The following CTNNA3 variants were observed in gnomAD, a reference collection of about 807,000 sequenced individuals.
CTNNA3 encodes catenin alpha 3.
In CTNNA3, 76 loss-of-function variants were observed where a neutral mutation model predicts 95.7. That is an observed-to-expected ratio of 0.79 (90% confidence interval 0.66 to 0.96). CTNNA3 has a LOEUF of 0.96. CTNNA3 is among the 40% of genes least tolerant of loss of function. The probability of loss-of-function intolerance (pLI) is 0.00; values close to 1 mark genes in which losing one functional copy is unlikely to be tolerated. For synonymous variants in CTNNA3, 431 were observed against 374.4 expected (o/e 1.15, Z -1.74); for missense variants, 1,191 against 1,089.8 (o/e 1.09, Z -1.31).
At chr10:67,124,458 A>C (rs1859619583) in intron 7 of CTNNA3, among the ~76,000 whole-genome samples, 1 of 152,020 alleles carries the variant, frequency 6.6e-6, no homozygotes, top group Non-Finnish European at 1.5e-5. Flanking sequence ...TATTACAAAA[A>C]ATCAATTTCT....
At chr10:67,669,993 G>T (rs987943225) in intron 1 of CTNNA3, among the ~76,000 whole-genome samples, 3 of 152,164 alleles carry the variant, frequency 2.0e-5, no homozygotes, top group African/African-American at 7.2e-5. Context: ...AAATTAAAGG[G>T]ACACTAACAC....
intron 9 of CTNNA3, among the ~76,000 whole-genome samples, chr10:66,694,311 C>G (rs1847674476): frequency 6.6e-6 from 1 of 151,998 alleles, no homozygotes; most frequent in Non-Finnish European, 1.5e-5. Flanking sequence ...ATACAAACTA[C>G]CATCAGAGAA....
At chr10:66,941,887 T>C (rs934712165) in intron 7 of CTNNA3, among the ~76,000 whole-genome samples, 1 of 152,202 alleles carries the variant, frequency 6.6e-6, no homozygotes, top group African/African-American at 2.4e-5. Flanking sequence ...CACTTTAAGA[T>C]AGATGGGCCG....
At chr10:65,970,444 A>G (rs1482152449) in intron 16 of CTNNA3, among the ~76,000 whole-genome samples, 1 of 151,956 alleles carries the variant, frequency 6.6e-6, no homozygotes, top group Non-Finnish European at 1.5e-5. Context: ...TTGAATGTGA[A>G]TAGCCTAAAC....
chr10:66,775,525 C>G lies in CTNNA3; in HGVS notation c.1048-1G>C. 1.9e-6 allele frequency: 3 copies of G among 1,601,876 alleles called. No individual in the cohort carries two copies. In the African/African-American group the frequency reaches 4.0e-5, roughly 22 times the overall value. On this transcript the variant is annotated splice_acceptor_variant, in intron 7 of 17. Transcript: ENST00000433211. LOFTEE classifies it high-confidence loss of function. ...TATTACTCCTTTCTTTTTTTCCAGC[C>G]TGCAAAGAAGAAAAAACGACATAAG...
intron 6 of CTNNA3, among the ~76,000 whole-genome samples, chr10:67,207,004 G>A (rs1460841761): frequency 2.0e-5 from 3 of 151,964 alleles, no homozygotes; most frequent in East Asian, 3.9e-4. Flanking sequence ...GGTGGCAGGC[G>A]CCTGTAATAC....
intron 3 of CTNNA3, among the ~76,000 whole-genome samples, chr10:67,599,719 G>A (rs540471032): frequency 2.0e-4 from 30 of 152,204 alleles, no homozygotes; most frequent in African/African-American, 5.5e-4. Flanking sequence ...TAAAATATGT[G>A]CAAGATTTGT....
At chr10:66,711,386 T>C (rs535320360) in intron 9 of CTNNA3, among the ~76,000 whole-genome samples, 52 of 151,952 alleles carry the variant, frequency 3.4e-4, no homozygotes, top group Non-Finnish European at 5.6e-4. Flanking sequence ...TCATGAAATA[T>C]ATGAATTTAA....
At chr10:67,130,233 C>T (rs552027076) in intron 7 of CTNNA3, among the ~76,000 whole-genome samples, 4 of 152,054 alleles carry the variant, frequency 2.6e-5, no homozygotes, top group East Asian at 1.9e-4. Context: ...CAGAACATCA[C>T]GGTGCCTTAA....
intron 3 of CTNNA3, among the ~76,000 whole-genome samples, chr10:67,540,678 T>C (rs1191916344): frequency 2.0e-5 from 3 of 151,968 alleles, no homozygotes; most frequent in Admixed American, 2.0e-4. Flanking sequence ...ATATGTTTTA[T>C]AAAGACAGAT....
chr10:66,077,557 A>G lies in CTNNA3; in HGVS notation c.1978-8068T>C, dbSNP rs77833667. Among the ~76,000 whole-genome samples, 164 of 151,914 alleles carry G rather than the reference A, an allele frequency of 1.1e-3. 1 individual carries two copies. The highest frequency in any genetic ancestry group is 6.8e-3 in the Middle Eastern group (2 of 294). ...TAAAACATAATAAATGAGACTCATGACCTCCAGAAGTAATCTTCACATAGA... is the reference window on the plus strand; with the variant it reads ...TAAAACATAATAAATGAGACTCATGGCCTCCAGAAGTAATCTTCACATAGA... On this transcript the variant is annotated intron_variant, in intron 14 of 17. Transcript: ENST00000433211.
chr10:67,527,859 T>C (rs750242002), intron 4 of CTNNA3, among the ~76,000 whole-genome samples: 1 of 152,214 alleles, frequency 6.6e-6, no homozygotes, highest in Admixed American at 6.5e-5. Flanking sequence ...CATGGAATGA[T>C]AGTATCTGTT....
intron 5 of CTNNA3, among the ~76,000 whole-genome samples, chr10:67,287,430 C>T (rs185278124): frequency 2.4e-4 from 37 of 152,190 alleles, no homozygotes; most frequent in Non-Finnish European, 2.6e-4. Context: ...CCATCACTTT[C>T]GTGCAAATAT....
At chr10:66,618,752 C>A (rs1413652063) in intron 10 of CTNNA3, among the ~76,000 whole-genome samples, 2 of 148,032 alleles carry the variant, frequency 1.4e-5, no homozygotes, top group African/African-American at 2.5e-5. Context: ...GCAAAAGAAA[C>A]TACCATCAGA....
At chr10:66,193,335 C>T (rs1483151728) in intron 13 of CTNNA3, among the ~76,000 whole-genome samples, 1 of 152,062 alleles carries the variant, frequency 6.6e-6, no homozygotes, top group Non-Finnish European at 1.5e-5. Context: ...GGGACAAAAA[C>T]CATAAGACTG....
At position 67,629,158 on chromosome 10, in the gene CTNNA3, T is replaced by TAA. The variant is rs549791189; in HGVS notation, c.99+18255_99+18256dup. On this transcript the variant is annotated intron_variant, in intron 2 of 17. Coordinates refer to ENST00000433211, the MANE Select transcript of CTNNA3 (RefSeq NM_013266.4). ...ATTTTTATGTTTTGTTCTCCAGAGT[T>TAA]AAAAAAAAAACAACAACTTTTTAAA... Among the ~76,000 whole-genome samples, 3 of 149,188 alleles carry TAA rather than the reference T, an allele frequency of 2.0e-5. No individual in the cohort carries two copies. In the South Asian group the frequency reaches 6.4e-4, roughly 32 times the overall value.
At chr10:67,498,743 A>G (rs1839125342) in intron 5 of CTNNA3, among the ~76,000 whole-genome samples, 1 of 152,060 alleles carries the variant, frequency 6.6e-6, no homozygotes, top group South Asian at 2.1e-4. Flanking sequence ...TTTGCCTATT[A>G]TTGGCATATA....
intron 11 of CTNNA3, among the ~76,000 whole-genome samples, chr10:66,468,637 T>G (rs1042461266): frequency 1.3e-5 from 2 of 151,822 alleles, no homozygotes; most frequent in Non-Finnish European, 2.9e-5. Flanking sequence ...CACATGAAAA[T>G]AATAACTATG....
intron 7 of CTNNA3, among the ~76,000 whole-genome samples, chr10:67,053,310 G>C (rs151025441): frequency 1.3e-3 from 204 of 152,176 alleles, no homozygotes; most frequent in African/African-American, 4.7e-3. Flanking sequence ...CAAATTTGCA[G>C]GACATTACTG....
Sources: gnomAD v4.1 joint callset for allele counts (sites outside exome capture counted in the v4.1 genomes callset) on GRCh38, gnomAD v4.1.1 for gene constraint, MANE v1.5 for transcripts, NCBI Gene and HGNC (gene_info 2026-07-23, HGNC 2026-07-21) for gene names.